The following CLHC1 variants were observed in gnomAD, a reference collection of about 807,000 sequenced individuals.
The protein encoded by CLHC1 is clathrin heavy chain linker domain-containing protein 1.
A neutral mutation model predicts 69.5 loss-of-function variants in CLHC1; 72 were observed. The observed-to-expected ratio is 1.04, with a 90% CI of 0.86 to 1.26. CLHC1 has a LOEUF of 1.26. Among genes scored for constraint, CLHC1 ranks in the 50% most tolerant of loss-of-function variants. The pLI, the probability that CLHC1 is intolerant of heterozygous loss-of-function variation, is 0.00. For synonymous variants in CLHC1, 223 were observed against 224.3 expected, an observed-to-expected ratio of 0.99 and a Z score of 0.05; for missense variants, 790 against 679.3, an observed-to-expected ratio of 1.16 and a Z score of -1.81.
At chr2:55,223,483 C>G (rs1212850604) in intron 2 of CLHC1, among the ~76,000 whole-genome samples, 1 of 152,138 alleles carries the variant, frequency 6.6e-6, no homozygotes, top group African/African-American at 2.4e-5. Flanking sequence ...GCACCTCCCG[C>G]TCGCCGGGAC....
In CLHC1 at chr2:55,175,529, A is replaced by T; in HGVS notation, c.*261T>A. On this transcript the variant is annotated 3_prime_UTR_variant, in exon 13 of 13. Coordinates refer to ENST00000401408, the MANE Select transcript of CLHC1 (RefSeq NM_152385.4). ...CATTAGCTTATGTCCTTAGATAAAA[A>T]TGCCCTACACTGTTTCACACAAAGT... The T allele has an allele frequency of 2.4e-6, 1 of 412,062 alleles. No homozygotes were observed. The highest frequency in any genetic ancestry group is 4.4e-6 in the Non-Finnish European group (1 of 229,824). The allele number at this position is 412,062 out of a possible 1,614,324, so 25.5% of individuals were successfully genotyped here.
intron 2 of CLHC1, chr2:55,224,330 TC>T: frequency 2.2e-6 from 1 of 463,832 alleles, no homozygotes; most frequent in Non-Finnish European, 4.4e-6. Flanking sequence ...GAGTGTGAAC[TC>T]CACGCCTTGA....
chr2:55,201,077 A>T (rs1671901233), intron 9 of CLHC1, among the ~76,000 whole-genome samples: 1 of 152,114 alleles, frequency 6.6e-6, no homozygotes. Flanking sequence ...TACATCAAAA[A>T]AGAAGAAAAA....
At chr2:55,206,604 T>G (rs1672472765) in intron 8 of CLHC1, among the ~76,000 whole-genome samples, 1 of 152,196 alleles carries the variant, frequency 6.6e-6, no homozygotes, top group African/African-American at 2.4e-5. Context: ...AACTCCCACC[T>G]GCTAGCTGAC....
intron 9 of CLHC1, among the ~76,000 whole-genome samples, chr2:55,198,564 G>A (rs926366661): frequency 2.0e-5 from 3 of 152,096 alleles, no homozygotes; most frequent in Non-Finnish European, 4.4e-5. Flanking sequence ...GAGCCTGGGT[G>A]ACAGAGCATG....
chr2:55,212,089 C>T (rs1673067355), intron 5 of CLHC1, among the ~76,000 whole-genome samples: 1 of 152,084 alleles, frequency 6.6e-6, no homozygotes, highest in Non-Finnish European at 1.5e-5. Context: ...CCAGCGTGGA[C>T]AACATGATGA....
In CLHC1 at chr2:55,208,642, G is replaced by T; in HGVS notation, c.883C>A (p.Leu295Ile). The T allele has an allele frequency of 1.2e-6, 2 of 1,606,072 alleles. No individual in the cohort carries two copies. Among genetic ancestry groups the T allele is most frequent in the Non-Finnish European group, 8.5e-7 (1 of 1,173,146 alleles). ...PRRAKEAEIM[L>I]HYIERFNELI... ...AATATTTGCCTTTCAATGTAGTGAA[G>T]CATAATTTCAGCTTCTTTTGCCCTG... The change falls in exon 8 of 13, where the codon CTT becomes ATT. Residue 295 changes from leucine (L) to isoleucine (I), a missense_variant. Coordinates refer to ENST00000401408, the MANE Select transcript of CLHC1 (RefSeq NM_152385.4).
rs1190865941 is a variant in CLHC1 at position 55,177,801 on chromosome 2, A to G, written c.1385-20T>C. On this transcript the variant is annotated intron_variant, in intron 11 of 12. Coordinates refer to ENST00000401408, the MANE Select transcript of CLHC1 (RefSeq NM_152385.4). ...GGTCATCTGAAGGCAAAAATGAAAA[A>G]GTTTATCTCAATGTCCTAATATCAT... The G allele has an allele frequency of 6.3e-7, 1 of 1,575,714 alleles. No individual in the cohort carries two copies. The highest frequency in any genetic ancestry group is 1.7e-4 in the Middle Eastern group (1 of 5,836).
At chr2:55,214,836 G>A (rs947074357) in intron 4 of CLHC1, 8 of 152,164 alleles carry the variant, frequency 5.3e-5, no homozygotes, top group Admixed American at 2.6e-4. Flanking sequence ...TAAACAAAAT[G>A]TAGTATATAC....
At position 55,212,699 on chromosome 2, in the gene CLHC1, G is replaced by C. The variant is rs753319857; in HGVS notation, c.473C>G (p.Ser158Cys). ...TGGAATAGGTTTTGAAGGATCTTTG[G>C]AGAAAGTACAATATTTTACTTCTTT... ...DTKEVKYCTF[S>C]KDPSKPIPGM... Residue 158 changes from serine to cysteine, a missense_variant, in exon 5 of 13, where the codon TCC becomes TGC. By Grantham distance (112) the Ser-to-Cys change is moderately radical. Coordinates refer to ENST00000401408, the MANE Select transcript of CLHC1 (RefSeq NM_152385.4). 1 of 1,598,740 alleles carries C rather than the reference G, an allele frequency of 6.3e-7. No homozygotes were observed. The highest frequency in any genetic ancestry group is 1.7e-5 in the Admixed American group (1 of 59,966).
At chr2:55,228,246 C>T (rs1674905849) in intron 1 of CLHC1, 42 bp from the exon 2 acceptor site, 1 of 152,200 alleles carries the variant, frequency 6.6e-6, no homozygotes, top group Non-Finnish European at 1.5e-5. Context: ...GTTCTCTTTC[C>T]CCATCATCCC....
chr2:55,210,259 C>T (rs898615630), intron 5 of CLHC1, among the ~76,000 whole-genome samples: 1 of 151,846 alleles, frequency 6.6e-6, no homozygotes, highest in African/African-American at 2.4e-5. Context: ...TGCAGTGGTG[C>T]AATCTCAGCT....
chr2:55,192,330 G>A (rs1201712526), intron 9 of CLHC1, among the ~76,000 whole-genome samples: 6 of 152,102 alleles, frequency 3.9e-5, no homozygotes. Flanking sequence ...ATGTTGGCCA[G>A]GCTGGTCTCG....
At position 55,177,614 on chromosome 2, in the gene CLHC1, T is replaced by C; in HGVS notation, c.1552A>G (p.Lys518Glu). ...VGIKLLQEIN[K>E]GGIDAVESLM... ...TTATTCTACTTACCTATCCCACCTT[T>C]ATTGATTTCTTGAAGTAGCTTAATG... is the stretch of plus-strand genomic sequence containing the variant. Residue 518 changes from lysine to glutamate, a missense_variant, in exon 12 of 13, where the codon AAA becomes GAA. Coordinates refer to ENST00000401408, the MANE Select transcript of CLHC1 (RefSeq NM_152385.4). 6.2e-7 allele frequency: 1 copy of C among 1,603,580 alleles called. No homozygotes were observed. The highest frequency in any genetic ancestry group is 1.1e-5 in the South Asian group (1 of 89,814).
intron 7 of CLHC1, 129 bp from the exon 8 acceptor site, chr2:55,208,839 C>T (rs1672692168): frequency 5.9e-6 from 3 of 511,266 alleles, no homozygotes; most frequent in Admixed American, 3.2e-5. Flanking sequence ...TCTTCCTAAA[C>T]TTAGTGGCCT....
chr2:55,180,489 A>C, intron 11 of CLHC1, 21 bp downstream of exon 11: 1 of 1,582,246 alleles, frequency 6.3e-7, no homozygotes, highest in Non-Finnish European at 8.7e-7. Context: ...ATGTATACAA[A>C]TGGCAGACTT....
chr2:55,178,899 C>T (rs1669653733), intron 11 of CLHC1, among the ~76,000 whole-genome samples: 1 of 146,684 alleles, frequency 6.8e-6, no homozygotes, highest in Admixed American at 7.0e-5. Flanking sequence ...ATTTCAAAAT[C>T]CATTTTATTT....
chr2:55,219,329 T>G (rs963567428), intron 3 of CLHC1, among the ~76,000 whole-genome samples: 1 of 152,144 alleles, frequency 6.6e-6, no homozygotes, highest in Non-Finnish European at 1.5e-5. Context: ...CCTTTAAGAA[T>G]GCACAGAAAA....
At chr2:55,198,393 T>C (rs947652086) in intron 9 of CLHC1, among the ~76,000 whole-genome samples, 2 of 152,042 alleles carry the variant, frequency 1.3e-5, no homozygotes, top group Non-Finnish European at 1.5e-5. Flanking sequence ...TGAGACTGGC[T>C]GGACCAACAT....
Sources: allele counts gnomAD v4.1 joint callset (sites outside exome capture counted in the v4.1 genomes callset), GRCh38; gene constraint gnomAD v4.1.1; transcripts MANE v1.5; gene names NCBI Gene and HGNC (gene_info 2026-07-23, HGNC 2026-07-21).